Variants in CLSTN2 observed in about 807,000 individuals in gnomAD.
CLSTN2 encodes the protein calsyntenin 2.
A neutral mutation model predicts 101.2 loss-of-function variants in CLSTN2; 48 were observed. The ratio of observed to expected loss-of-function variants is 0.47; its 90% CI spans 0.38 to 0.60. The LOEUF (loss-of-function observed/expected upper bound fraction) is 0.60, where lower values mean the gene tolerates loss of function less well. Ranked by LOEUF, CLSTN2 falls within the 20% of genes least tolerant of loss-of-function variation. The probability of loss-of-function intolerance (pLI) is 0.00; values close to 1 mark genes in which losing one functional copy is unlikely to be tolerated. For missense variants in CLSTN2, 1,160 were observed against 1,238.2 expected, an observed-to-expected ratio of 0.94 and a Z score of 0.95; for synonymous variants, 481 against 463.6, an observed-to-expected ratio of 1.04 and a Z score of -0.48.
At chr3:140,074,485 G>A (rs2008453219) in intron 1 of CLSTN2, among the ~76,000 whole-genome samples, 1 of 152,196 alleles carries the variant, frequency 6.6e-6, no homozygotes, top group Non-Finnish European at 1.5e-5. Flanking sequence ...ATGCCTTATT[G>A]TCTGGGCCTA....
chr3:140,007,587 A>G (rs1429071948), intron 1 of CLSTN2, among the ~76,000 whole-genome samples: 1 of 152,198 alleles, frequency 6.6e-6, no homozygotes, highest in Non-Finnish European at 1.5e-5. Flanking sequence ...GAAAAGGAAG[A>G]TGGTTTAAAT....
At chr3:140,333,447 C>T (rs2087407900) in intron 2 of CLSTN2, among the ~76,000 whole-genome samples, 1 of 152,136 alleles carries the variant, frequency 6.6e-6, no homozygotes, top group Admixed American at 6.5e-5. Context: ...CATGGCTCTC[C>T]ACTCTAGAAA....
At chr3:139,996,429 G>A (rs891748226) in intron 1 of CLSTN2, among the ~76,000 whole-genome samples, 2 of 151,970 alleles carry the variant, frequency 1.3e-5, no homozygotes, top group East Asian at 3.9e-4. Flanking sequence ...TCGCTCTGTC[G>A]CCCAGGCTGG....
At chr3:139,996,792 G>A (rs7627818) in intron 1 of CLSTN2, among the ~76,000 whole-genome samples, 83,967 of 151,908 alleles carry the variant, frequency 0.55, 25,411 homozygotes, top group Non-Finnish European at 0.67. Flanking sequence ...TCATGACTGT[G>A]ATCCCAGCTC....
intron 1 of CLSTN2, among the ~76,000 whole-genome samples, chr3:140,088,493 C>T (rs1188946004): frequency 1.5e-5 from 2 of 133,222 alleles, no homozygotes; most frequent in Non-Finnish European, 3.3e-5. Context: ...CCCATCCCAA[C>T]CCCATTTCAC....
intron 2 of CLSTN2, among the ~76,000 whole-genome samples, chr3:140,300,909 A>G (rs534017544): frequency 4.7e-4 from 71 of 152,248 alleles, no homozygotes; most frequent in African/African-American, 1.6e-3. Context: ...TGGAGACCCA[A>G]GAAAGCCAGG....
chr3:140,296,699 T>C (rs182432807), intron 2 of CLSTN2, among the ~76,000 whole-genome samples: 175 of 152,348 alleles, frequency 1.1e-3, no homozygotes, highest in African/African-American at 4.0e-3. Context: ...GTTTTCTCTA[T>C]AGAGGTTTTT....
intron 2 of CLSTN2, among the ~76,000 whole-genome samples, chr3:140,216,380 T>TC (rs1214141947): frequency 6.6e-6 from 1 of 152,134 alleles, no homozygotes; most frequent in Non-Finnish European, 1.5e-5. Context: ...AGCACTAACG[T>TC]GGGGGCTTCT....
intron 1 of CLSTN2, among the ~76,000 whole-genome samples, chr3:140,026,706 T>C (rs1471122483): frequency 2.6e-5 from 4 of 152,242 alleles, no homozygotes; most frequent in Non-Finnish European, 5.9e-5. Flanking sequence ...TGTCTTTTCA[T>C]GGTCAGGAAT....
chr3:140,332,300 T>G (rs1303811440), intron 2 of CLSTN2, among the ~76,000 whole-genome samples: 1 of 152,132 alleles, frequency 6.6e-6, no homozygotes, highest in Admixed American at 6.5e-5. Flanking sequence ...TGTTCTTGCG[T>G]TATCAAACTG....
chr3:139,947,206 G>GA (rs984253170), intron 1 of CLSTN2, among the ~76,000 whole-genome samples: 1 of 152,176 alleles, frequency 6.6e-6, no homozygotes, highest in Non-Finnish European at 1.5e-5. Context: ...ATCTAGTGTA[G>GA]AAAAAACATT....
intron 1 of CLSTN2, among the ~76,000 whole-genome samples, chr3:140,156,648 CA>C (rs2009958574): frequency 6.6e-6 from 1 of 152,210 alleles, no homozygotes; most frequent in Non-Finnish European, 1.5e-5. Flanking sequence ...CATACTAAAG[CA>C]GACCTTCTCC....
intron 9 of CLSTN2, among the ~76,000 whole-genome samples, chr3:140,545,215 G>T (rs1935563046): frequency 6.6e-6 from 1 of 152,158 alleles, no homozygotes; most frequent in African/African-American, 2.4e-5. Context: ...AAGAATAGCA[G>T]AGAAGTTGCA....
In CLSTN2 at chr3:140,566,318, T is replaced by A. The variant is rs1936027115; in HGVS notation, c.*65T>A. On this transcript the variant is annotated 3_prime_UTR_variant, in exon 17 of 17. Coordinates refer to ENST00000458420, the MANE Select transcript of CLSTN2 (RefSeq NM_022131.3). ...TAAACCCTGACCCAGTGTATGCCCATGTCTATCATACCTCACCTCTGATGT... is the reference window on the plus strand; with the variant it reads ...TAAACCCTGACCCAGTGTATGCCCAAGTCTATCATACCTCACCTCTGATGT... 6.9e-7 allele frequency: 1 copy of A among 1,442,358 alleles called. No individual in the cohort carries two copies. Among genetic ancestry groups the A allele is most frequent in the Admixed American group, 2.0e-5 (1 of 50,724 alleles). The allele number at this position is 1,442,358 out of a possible 1,614,324, so 89.3% of individuals were successfully genotyped here.
chr3:140,416,181 A>T (rs922132920), intron 4 of CLSTN2, among the ~76,000 whole-genome samples: 1 of 152,212 alleles, frequency 6.6e-6, no homozygotes, highest in Admixed American at 6.5e-5. Flanking sequence ...TAGAGAGTAG[A>T]ATGGTGGTTG....
chr3:140,384,077 T>C (rs576864584), intron 2 of CLSTN2, among the ~76,000 whole-genome samples: 1 of 152,206 alleles, frequency 6.6e-6, no homozygotes, highest in Non-Finnish European at 1.5e-5. Context: ...GCAGCCAACC[T>C]TTCACGTTTA....
chr3:140,524,020 AGGAATGAGG>A (rs1393798047), intron 8 of CLSTN2, among the ~76,000 whole-genome samples: 1 of 152,226 alleles, frequency 6.6e-6, no homozygotes, highest in Admixed American at 6.5e-5. Flanking sequence ...AGCACAGATC[AGGAATGAGG>A]GGAGAATAGA....
At chr3:140,283,776 T>A (rs1245438842) in intron 2 of CLSTN2, among the ~76,000 whole-genome samples, 2 of 152,224 alleles carry the variant, frequency 1.3e-5, no homozygotes, top group Non-Finnish European at 2.9e-5. Context: ...CACTCTTTTT[T>A]CCCCTTCTCT....
At chr3:140,097,568 A>G (rs1386952968) in intron 1 of CLSTN2, among the ~76,000 whole-genome samples, 5 of 152,232 alleles carry the variant, frequency 3.3e-5, no homozygotes, top group Non-Finnish European at 5.9e-5. Flanking sequence ...ATTCAAATGC[A>G]TACATAGTTG....
Sources: gnomAD v4.1 joint callset for allele counts (sites outside exome capture counted in the v4.1 genomes callset) on GRCh38, gnomAD v4.1.1 for gene constraint, MANE v1.5 for transcripts, NCBI Gene and HGNC (gene_info 2026-07-23, HGNC 2026-07-21) for gene names.